ANKRD11: variants seen among roughly 807,000 people sequenced by gnomAD.
ANKRD11 encodes ankyrin repeat domain 11.
A neutral mutation model predicts 195.7 loss-of-function variants in ANKRD11; 17 were observed. The observed-to-expected ratio is 0.09, with a 90% CI of 0.06 to 0.13. The LOEUF (loss-of-function observed/expected upper bound fraction) is 0.13. Ranked by LOEUF, ANKRD11 falls within the 10% of genes least tolerant of loss-of-function variation. The pLI, the probability that ANKRD11 is intolerant of heterozygous loss-of-function variation, is 1.00. For synonymous variants in ANKRD11, 1,953 were observed against 1,528.1 expected (o/e 1.28, Z -6.49); for missense variants, 3,735 against 3,566.1 (o/e 1.05, Z -1.21).
At chr16:89,471,548 T>C (rs944898109) in intron 1 of ANKRD11, among the ~76,000 whole-genome samples, 2 of 152,116 alleles carry the variant, frequency 1.3e-5, no homozygotes, top group Non-Finnish European at 2.9e-5. Flanking sequence ...ATCCCAGCAC[T>C]CTGGGAGGTA....
At chr16:89,278,874 C>T (rs916512808) in intron 9 of ANKRD11, 198 bp downstream of exon 9, 3 of 896,438 alleles carry the variant, frequency 3.3e-6, no homozygotes, top group African/African-American at 1.6e-5. Context: ...GGAAGGACCT[C>T]GGGTCTGCAG....
At chr16:89,392,523 G>A (rs2041243272) in intron 2 of ANKRD11, 1 of 152,008 alleles carries the variant, frequency 6.6e-6, no homozygotes, top group South Asian at 2.1e-4. Flanking sequence ...TTTTCCATGA[G>A]CAGCACTGTG....
At chr16:89,278,793 C>A (rs2033895266) in intron 9 of ANKRD11, 1 of 627,724 alleles carries the variant, frequency 1.6e-6, no homozygotes, top group Non-Finnish European at 3.0e-6. Flanking sequence ...GAGCCCCACA[C>A]GAGTGGGACC....
intron 4 of ANKRD11, among the ~76,000 whole-genome samples, chr16:89,292,896 G>A (rs577829811): frequency 3.9e-5 from 6 of 152,316 alleles, no homozygotes; most frequent in South Asian, 2.1e-4. Flanking sequence ...CATGCTGCCC[G>A]GGGGCCGGCC....
intron 11 of ANKRD11, 174 bp from the exon 12 acceptor site, chr16:89,271,083 A>T (rs1054746483): frequency 2.9e-6 from 2 of 680,738 alleles, no homozygotes; most frequent in Non-Finnish European, 5.3e-6. Context: ...CACCCTGCCC[A>T]TCTCCCTAAA....
chr16:89,314,514 C>G (rs552574917), intron 3 of ANKRD11, among the ~76,000 whole-genome samples: 1 of 152,192 alleles, frequency 6.6e-6, no homozygotes, highest in Non-Finnish European at 1.5e-5. Context: ...TGCGCCAACA[C>G]GACCTGCTCT....
rs1274563055 is a variant in ANKRD11 at position 89,418,268 on chromosome 16, TG to T, written c.-60+15del. 1.5e-5 allele frequency: 7 copies of T among 453,900 alleles called. No individual in the cohort carries two copies. The East Asian group carries it at 4.2e-4, about 27-fold the overall frequency. The allele number at this position is 453,900 out of a possible 1,614,324, so 28.1% of individuals were successfully genotyped here. ...GACAAAAACATAAATTGATAGAGAA[TG>T]CAGTGAGTATTTACCGATTCCATAG... On this transcript the variant is annotated intron_variant, in intron 2 of 12. Transcript: ENST00000301030.
rs1339194603 is a variant in ANKRD11 at position 89,322,982 on chromosome 16, T to G, written c.-59-5904A>C. On this transcript the variant is annotated intron_variant, in intron 2 of 12. Coordinates refer to ENST00000301030, the MANE Select transcript of ANKRD11 (RefSeq NM_013275.6). ...CTTGAGCCTCCCAAGTAGCTGGGAG[T>G]ACAGGCCCGTGGCACCATGCCCGGC... The G allele has an allele frequency of 3.9e-5, 11 of 280,738 alleles. No homozygotes were observed. The Admixed American group carries it at 5.3e-4, about 14-fold the overall frequency. The allele number at this position is 280,738 out of a possible 1,614,324, so 17.4% of individuals were successfully genotyped here. A position where few individuals can be genotyped will look rare whatever the true frequency, so the allele number is the denominator to read the frequency against.
intron 2 of ANKRD11, among the ~76,000 whole-genome samples, chr16:89,350,864 G>A (rs1350393924): frequency 3.9e-5 from 6 of 152,086 alleles, no homozygotes; most frequent in Non-Finnish European, 2.9e-5. Flanking sequence ...GGAGTGGAAC[G>A]GGTCCCATGG....
At chr16:89,289,587 G>A (rs1347759817) in intron 6 of ANKRD11, among the ~76,000 whole-genome samples, 1 of 152,238 alleles carries the variant, frequency 6.6e-6, no homozygotes, top group Non-Finnish European at 1.5e-5. Context: ...TGAAGTGAGG[G>A]AGTCCAGTCC....
chr16:89,382,639 C>A (rs1567726427), intron 2 of ANKRD11, among the ~76,000 whole-genome samples: 1 of 151,538 alleles, frequency 6.6e-6, no homozygotes, highest in Non-Finnish European at 1.5e-5. Context: ...ACTTGGCCGA[C>A]AAATAAACAA....
intron 1 of ANKRD11, among the ~76,000 whole-genome samples, chr16:89,425,145 T>C (rs1249807102): frequency 6.6e-6 from 1 of 151,910 alleles, no homozygotes; most frequent in South Asian, 2.1e-4. Context: ...TGGTTTTATC[T>C]AGCACCAACT....
chr16:89,369,277 C>G (rs949640038), intron 2 of ANKRD11, among the ~76,000 whole-genome samples: 1 of 152,214 alleles, frequency 6.6e-6, no homozygotes, highest in African/African-American at 2.4e-5. Context: ...GAGAAATGCC[C>G]ACACGTCTCC....
Position 89,284,110 on chromosome 16 carries a change from T to C in ANKRD11, c.2432A>G (p.Asp811Gly), listed in dbSNP as rs779102561. The C allele has an allele frequency of 4.3e-6, 7 of 1,613,834 alleles. No individual in the cohort carries two copies. The East Asian group carries it at 1.3e-4, about 31-fold the overall frequency. Residue 811 changes from aspartate to glycine, a missense_variant, in exon 9 of 13, where the codon GAT becomes GGT. Asp to Gly is a moderately conservative substitution (Grantham distance 94). Coordinates refer to ENST00000301030, the MANE Select transcript of ANKRD11 (RefSeq NM_013275.6). Reference protein sequence around the residue: ...KLKKEKVYREDSAFDEYCNKN... With the variant: ...KLKKEKVYREGSAFDEYCNKN... ...GTTACAATATTCGTCAAAAGCAGAATCTTCCCTATAAACCTTTTCTTTTTT... is the reference window on the plus strand; with the variant it reads ...GTTACAATATTCGTCAAAAGCAGAACCTTCCCTATAAACCTTTTCTTTTTT...
chr16:89,404,882 G>C (rs962880704), intron 2 of ANKRD11, among the ~76,000 whole-genome samples: 2 of 152,276 alleles, frequency 1.3e-5, no homozygotes, highest in African/African-American at 2.4e-5. Flanking sequence ...ATTGACTCTT[G>C]CTTGGTTGAT....
intron 2 of ANKRD11, among the ~76,000 whole-genome samples, chr16:89,381,448 T>TA (rs1182115527): frequency 6.6e-6 from 1 of 150,742 alleles, no homozygotes; most frequent in Non-Finnish European, 1.5e-5. Context: ...GGTTATTGTA[T>TA]AAGGAGCAAG....
At chr16:89,409,711 G>C (rs2042042631) in intron 2 of ANKRD11, among the ~76,000 whole-genome samples, 1 of 152,142 alleles carries the variant, frequency 6.6e-6, no homozygotes, top group Non-Finnish European at 1.5e-5. Context: ...TTACAACACT[G>C]AAGTTTAGAA....
At chr16:89,458,111 A>AG (rs2056514437) in intron 1 of ANKRD11, among the ~76,000 whole-genome samples, 2 of 152,242 alleles carry the variant, frequency 1.3e-5, no homozygotes, top group Admixed American at 6.5e-5. Context: ...AAAGAAAAAA[A>AG]AAAGCTTTCT....
Position 89,363,820 on chromosome 16 carries a change from T to A in ANKRD11, c.-59-46742A>T, listed in dbSNP as rs1019649828. 2.6e-5 allele frequency among the ~76,000 whole-genome samples: 4 copies of A among 152,048 alleles called. No individual in the cohort carries two copies. The South Asian group carries it at 6.2e-4, about 24-fold the overall frequency. On this transcript the variant is annotated intron_variant, in intron 2 of 12. Coordinates refer to ENST00000301030, the MANE Select transcript of ANKRD11 (RefSeq NM_013275.6). The stretch of plus-strand genomic sequence containing the variant: ...CCTGGAGCACAGCACTTCAGGAGGC[T>A]GCGGCAAGGAGGACTGACTGAGGCA...
Sources: allele counts gnomAD v4.1 joint callset (sites outside exome capture counted in the v4.1 genomes callset), GRCh38; gene constraint gnomAD v4.1.1; transcripts MANE v1.5; gene names NCBI Gene and HGNC (gene_info 2026-07-23, HGNC 2026-07-21).